SH3RF3: variants seen among roughly 807,000 people sequenced by gnomAD.
SH3RF3 encodes E3 ubiquitin-protein ligase SH3RF3.
Under a neutral mutation model 66.3 loss-of-function variants are expected in SH3RF3, and 29 were observed. The ratio of observed to expected loss-of-function variants is 0.44; its 90% CI spans 0.33 to 0.60. The LOEUF (loss-of-function observed/expected upper bound fraction) is 0.60, where lower values mean the gene tolerates loss of function less well. SH3RF3 is among the 20% of genes least tolerant of loss of function. The pLI, the probability that SH3RF3 is intolerant of heterozygous loss-of-function variation, is 0.04. For synonymous variants in SH3RF3, 583 were observed against 532.0 expected (o/e 1.10, Z -1.32); for missense variants, 1,194 against 1,190.9 (o/e 1.00, Z -0.04).
At chr2:109,417,937 G>A (rs952891038) in intron 4 of SH3RF3, among the ~76,000 whole-genome samples, 2 of 152,170 alleles carry the variant, frequency 1.3e-5, no homozygotes, top group Non-Finnish European at 2.9e-5. Context: ...CCTAAGCTAA[G>A]AAGGTGGTGT....
chr2:109,365,351 G>A (rs1352742157), intron 2 of SH3RF3, among the ~76,000 whole-genome samples: 4 of 152,226 alleles, frequency 2.6e-5, no homozygotes, highest in African/African-American at 7.2e-5. Context: ...ATCAGTTACA[G>A]TTCAGGCCCT....
At chr2:109,175,784 A>G in intron 1 of SH3RF3, among the ~76,000 whole-genome samples, 1 of 152,220 alleles carries the variant, frequency 6.6e-6, no homozygotes, top group East Asian at 1.9e-4. Flanking sequence ...AAGAGAGTCT[A>G]GAGTAAGGAG....
chr2:109,419,788 G>C (rs1676824162), intron 5 of SH3RF3, 146 bp downstream of exon 5: 4 of 715,058 alleles, frequency 5.6e-6, no homozygotes, highest in African/African-American at 1.8e-5. Flanking sequence ...TAACACCGCT[G>C]AAGGGAGAGT....
At chr2:109,492,889 A>G (rs1679166034) in intron 9 of SH3RF3, among the ~76,000 whole-genome samples, 1 of 152,088 alleles carries the variant, frequency 6.6e-6, no homozygotes, top group Admixed American at 6.5e-5. Context: ...ATCCATCAGC[A>G]CTGCCATGCC....
intron 1 of SH3RF3, among the ~76,000 whole-genome samples, chr2:109,322,494 G>A (rs1173623177): frequency 1.3e-5 from 2 of 152,184 alleles, no homozygotes; most frequent in Admixed American, 6.5e-5. Context: ...TAAGGAAGCT[G>A]AAATTTCTAA....
chr2:109,138,723 G>A (rs1338999753), intron 1 of SH3RF3, among the ~76,000 whole-genome samples: 1 of 152,230 alleles, frequency 6.6e-6, no homozygotes, highest in Non-Finnish European at 1.5e-5. Flanking sequence ...TGGTGGCCCA[G>A]GTGCTGGGGC....
Position 109,295,025 on chromosome 2 carries a change from G to A in SH3RF3, c.574-52649G>A, listed in dbSNP as rs74844267. Among the ~76,000 whole-genome samples, 1,215 of 152,352 alleles carry A rather than the reference G, an allele frequency of 8.0e-3. 11 individuals are homozygous for A. Among genetic ancestry groups the A allele is most frequent in the East Asian group, 0.037 (192 of 5,186 alleles). Reference sequence around the variant, plus strand: ...CAAGCTATTCCATGGATTAGCCATCGCTATGAATTCTCAGGATCCCTGCAG... The same window carrying A: ...CAAGCTATTCCATGGATTAGCCATCACTATGAATTCTCAGGATCCCTGCAG... On this transcript the variant is annotated intron_variant, in intron 1 of 9. Transcript: ENST00000309415.
At chr2:109,294,700 G>A (rs1681267739) in intron 1 of SH3RF3, among the ~76,000 whole-genome samples, 1 of 152,192 alleles carries the variant, frequency 6.6e-6, no homozygotes, top group Admixed American at 6.5e-5. Flanking sequence ...GGCTCAGCTG[G>A]GAGGAAGACA....
At chr2:109,378,707 AATTTCTCTACTGCT>A in intron 3 of SH3RF3, among the ~76,000 whole-genome samples, 1 of 152,116 alleles carries the variant, frequency 6.6e-6, no homozygotes, top group East Asian at 1.9e-4. Flanking sequence ...ATGTGGGGCT[AATTTCTCTACTGCT>A]GAGGCTATAA....
At chr2:109,327,953 C>T (rs1682194832) in intron 1 of SH3RF3, among the ~76,000 whole-genome samples, 1 of 152,332 alleles carries the variant, frequency 6.6e-6, no homozygotes, top group African/African-American at 2.4e-5. Flanking sequence ...AGGACAATGA[C>T]CCTGTGTCAG....
chr2:109,463,151 C>T (rs1234384259), intron 8 of SH3RF3, among the ~76,000 whole-genome samples: 1 of 152,190 alleles, frequency 6.6e-6, no homozygotes, highest in Non-Finnish European at 1.5e-5. Flanking sequence ...TTTTGTGATT[C>T]AAGTTATACT....
At chr2:109,370,861 T>A (rs886332210) in intron 2 of SH3RF3, among the ~76,000 whole-genome samples, 1 of 152,264 alleles carries the variant, frequency 6.6e-6, no homozygotes. Context: ...AGAGGGTTAC[T>A]GAAAGCTTTA....
intron 5 of SH3RF3, among the ~76,000 whole-genome samples, chr2:109,423,072 C>T (rs536720769): frequency 1.3e-5 from 2 of 152,266 alleles, no homozygotes; most frequent in Admixed American, 1.3e-4. Context: ...CTTCCACAGT[C>T]GATGGGTGCA....
intron 1 of SH3RF3, among the ~76,000 whole-genome samples, chr2:109,195,129 A>AT (rs1460990655): frequency 6.6e-6 from 1 of 152,208 alleles, no homozygotes; most frequent in Non-Finnish European, 1.5e-5. Context: ...TGGCAGATGG[A>AT]TAAAAACTAA....
At chr2:109,421,719 T>C (rs578056193) in intron 5 of SH3RF3, among the ~76,000 whole-genome samples, 204 of 152,314 alleles carry the variant, frequency 1.3e-3, no homozygotes, top group African/African-American at 4.6e-3. Flanking sequence ...GGGAAACTTA[T>C]GTGTCGGACA....
At chr2:109,355,743 A>T (rs1682933496) in intron 2 of SH3RF3, among the ~76,000 whole-genome samples, 1 of 152,136 alleles carries the variant, frequency 6.6e-6, no homozygotes, top group Non-Finnish European at 1.5e-5. Context: ...CAGCAACTTA[A>T]CACGCAGGTC....
intron 1 of SH3RF3, among the ~76,000 whole-genome samples, chr2:109,212,582 G>C (rs926316959): frequency 6.6e-6 from 1 of 152,112 alleles, no homozygotes; most frequent in Non-Finnish European, 1.5e-5. Context: ...AGGAGAAGTC[G>C]GCTGACCCAC....
At chr2:109,298,462 A>G (rs1351562820) in intron 1 of SH3RF3, among the ~76,000 whole-genome samples, 2 of 152,024 alleles carry the variant, frequency 1.3e-5, no homozygotes, top group East Asian at 3.9e-4. Context: ...GCTCAGGGAA[A>G]AACCATTTCT....
intron 8 of SH3RF3, among the ~76,000 whole-genome samples, chr2:109,454,700 C>T (rs1274221498): frequency 6.6e-6 from 1 of 152,134 alleles, no homozygotes; most frequent in Non-Finnish European, 1.5e-5. Flanking sequence ...TAGGATAGAT[C>T]TTCATGGTGA....
Sources: allele counts gnomAD v4.1 joint callset (sites outside exome capture counted in the v4.1 genomes callset), GRCh38; gene constraint gnomAD v4.1.1; transcripts MANE v1.5; gene names NCBI Gene and HGNC (gene_info 2026-07-23, HGNC 2026-07-21).